Variants in FOXN3 observed in about 807,000 individuals in gnomAD.
FOXN3 encodes forkhead box protein N3.
FOXN3 carries 7 observed loss-of-function variants against 38.4 expected under a neutral mutation model. That is an observed-to-expected ratio of 0.18 (90% CI 0.10 to 0.34). The LOEUF (loss-of-function observed/expected upper bound fraction) is 0.34. Among genes scored for constraint, FOXN3 ranks in the 10% least tolerant of loss-of-function variants. FOXN3 has a pLI of 1.00. For missense variants in FOXN3, 456 were observed against 613.4 expected (o/e 0.74, Z 2.71); for synonymous variants, 230 against 242.2 (o/e 0.95, Z 0.47).
At chr14:89,565,952 C>A (rs1029504522) in intron 1 of FOXN3, among the ~76,000 whole-genome samples, 1 of 152,158 alleles carries the variant, frequency 6.6e-6, no homozygotes, top group Non-Finnish European at 1.5e-5. Context: ...AAGGTCATTT[C>A]GCCCCGGAAA....
At chr14:89,480,467 T>C (rs1160122182) in intron 1 of FOXN3, among the ~76,000 whole-genome samples, 2 of 152,194 alleles carry the variant, frequency 1.3e-5, no homozygotes, top group Admixed American at 1.3e-4. Context: ...TGTTGACTTT[T>C]ACACCCTATA....
At position 89,528,376 on chromosome 14, in the gene FOXN3, C is replaced by CTTTTTTTTTTTT. The variant is rs55935162; in HGVS notation, c.-15+90640_-15+90651dup. On this transcript the variant is annotated intron_variant, in intron 1 of 6. Coordinates refer to the FOXN3 transcript ENST00000345097. Reference sequence around the variant, plus strand: ...TCATCCATACTCAACATGGATGAATCTTTTTTTTTTTTTTTTTTTTTTTTT... The same window carrying CTTTTTTTTTTTT: ...TCATCCATACTCAACATGGATGAATCTTTTTTTTTTTTTTTTTTTTTTTTTTTTTTTTTTTTT... 1.3e-3 allele frequency among the ~76,000 whole-genome samples: 72 copies of CTTTTTTTTTTTT among 53,576 alleles called. 12 individuals are homozygous for CTTTTTTTTTTTT. The highest frequency in any genetic ancestry group is 2.1e-3 in the South Asian group (2 of 938). 35.1% of individuals were successfully genotyped at this position (53,576 alleles called of 152,430 possible).
chr14:89,341,723 T>C (rs899190967), intron 3 of FOXN3, among the ~76,000 whole-genome samples: 13 of 152,328 alleles, frequency 8.5e-5, no homozygotes, highest in Non-Finnish European at 1.8e-4. Context: ...GTGCCGCCTG[T>C]TGTTTCACGT....
chr14:89,533,560 G>A (rs1596309827), intron 1 of FOXN3, among the ~76,000 whole-genome samples: 2 of 151,676 alleles, frequency 1.3e-5, no homozygotes, highest in African/African-American at 4.8e-5. Flanking sequence ...CACTCGGGAG[G>A]CTGAGGCAGG....
At chr14:89,167,682 G>C (rs2139779620) in intron 5 of FOXN3, among the ~76,000 whole-genome samples, 1 of 152,344 alleles carries the variant, frequency 6.6e-6, no homozygotes, top group East Asian at 1.9e-4. Context: ...ATCAAGTACA[G>C]TAACTTGTTT....
intron 2 of FOXN3, among the ~76,000 whole-genome samples, chr14:89,388,920 G>T (rs1890861345): frequency 6.6e-6 from 1 of 152,096 alleles, no homozygotes; most frequent in African/African-American, 2.4e-5. Flanking sequence ...ACACCAGGCA[G>T]AGTTCAGCAA....
At chr14:89,516,179 T>G (rs1894197382) in intron 1 of FOXN3, among the ~76,000 whole-genome samples, 2 of 152,226 alleles carry the variant, frequency 1.3e-5, no homozygotes, top group Non-Finnish European at 2.9e-5. Flanking sequence ...ATTTTATTTG[T>G]GCGCAGATAC....
chr14:89,284,859 G>T (rs113829860), intron 3 of FOXN3, among the ~76,000 whole-genome samples: 4 of 152,128 alleles, frequency 2.6e-5, no homozygotes, highest in Non-Finnish European at 5.9e-5. Context: ...CAAATCCCAA[G>T]AGGTGAGTGA....
intron 4 of FOXN3, among the ~76,000 whole-genome samples, chr14:89,233,564 T>C (rs1219365674): frequency 1.3e-5 from 2 of 152,120 alleles, no homozygotes; most frequent in Admixed American, 6.5e-5. Context: ...AGGTCAACAG[T>C]TCCCTTTTTT....
intron 1 of FOXN3, among the ~76,000 whole-genome samples, chr14:89,510,553 G>A (rs1007875902): frequency 8.5e-5 from 13 of 152,208 alleles, no homozygotes; most frequent in Admixed American, 6.5e-4. Context: ...GTGTGGAGAG[G>A]GGGTGGGTAG....
chr14:89,489,108 A>G (rs1893517105), intron 1 of FOXN3, among the ~76,000 whole-genome samples: 1 of 152,218 alleles, frequency 6.6e-6, no homozygotes, highest in Non-Finnish European at 1.5e-5. Flanking sequence ...AGCCGGATTC[A>G]GAATTGGCAG....
chr14:89,373,707 T>G (rs1454723576), intron 2 of FOXN3, among the ~76,000 whole-genome samples: 5 of 152,160 alleles, frequency 3.3e-5, no homozygotes, highest in African/African-American at 1.2e-4. Context: ...TAATAAATTC[T>G]CCAGTCATCT....
intron 4 of FOXN3, among the ~76,000 whole-genome samples, chr14:89,215,793 C>T (rs764681164): frequency 6.6e-6 from 1 of 152,090 alleles, no homozygotes; most frequent in African/African-American, 2.4e-5. Flanking sequence ...AACATTCCTG[C>T]GTCTGGCGGC....
intron 1 of FOXN3, among the ~76,000 whole-genome samples, chr14:89,515,267 G>A (rs1266760319): frequency 6.6e-6 from 1 of 152,104 alleles, no homozygotes; most frequent in African/African-American, 2.4e-5. Context: ...TGGATCTACA[G>A]TCCACTTTGG....
At chr14:89,579,134 G>C (rs1895693619) in intron 1 of FOXN3, among the ~76,000 whole-genome samples, 8 of 147,386 alleles carry the variant, frequency 5.4e-5, no homozygotes. Flanking sequence ...ACAGGCATGA[G>C]CCACCATGCC....
intron 5 of FOXN3, among the ~76,000 whole-genome samples, chr14:89,168,742 A>C (rs551700673): frequency 6.6e-6 from 1 of 152,356 alleles, no homozygotes; most frequent in Admixed American, 6.5e-5. Context: ...TGACGGTACC[A>C]ATCTTCAGAT....
At chr14:89,445,958 G>T (rs1042638662) in intron 1 of FOXN3, among the ~76,000 whole-genome samples, 2 of 150,848 alleles carry the variant, frequency 1.3e-5, no homozygotes, top group African/African-American at 4.9e-5. Context: ...GGGGGGTGGC[G>T]GGGGTGGAGG....
At chr14:89,282,490 G>A (rs779464490) in intron 3 of FOXN3, among the ~76,000 whole-genome samples, 9 of 152,134 alleles carry the variant, frequency 5.9e-5, no homozygotes, top group Admixed American at 6.5e-5. Context: ...ACTGTTTCGG[G>A]GCACTTAAGG....
chr14:89,566,427 A>G (rs905563571), intron 1 of FOXN3, among the ~76,000 whole-genome samples: 3 of 148,790 alleles, frequency 2.0e-5, no homozygotes, highest in African/African-American at 7.8e-5. Flanking sequence ...ACTTTCCTAC[A>G]GGGAAGAAAT....
Sources: gnomAD v4.1 joint callset for allele counts (sites outside exome capture counted in the v4.1 genomes callset) on GRCh38, gnomAD v4.1.1 for gene constraint, MANE v1.5 for transcripts, NCBI Gene and HGNC (gene_info 2026-07-23, HGNC 2026-07-21) for gene names.